Variants in LIFR observed in about 807,000 individuals in gnomAD.
LIFR encodes LIF receptor subunit alpha.
Under a neutral mutation model 122.2 loss-of-function variants are expected in LIFR, and 84 were observed. The observed-to-expected ratio is 0.69, with a 90% CI of 0.58 to 0.82. LIFR has a LOEUF of 0.82. Ranked by LOEUF, LIFR falls within the 40% of genes least tolerant of loss-of-function variation. The probability of loss-of-function intolerance (pLI) is 0.00; values close to 1 mark genes in which losing one functional copy is unlikely to be tolerated. For synonymous variants in LIFR, 422 were observed against 434.7 expected (o/e 0.97, Z 0.36); for missense variants, 1,294 against 1,311.6 (o/e 0.99, Z 0.21).
Position 38,479,823 on chromosome 5 carries a change from T to C in LIFR, c.*1772A>G, listed in dbSNP as rs1398872766. On this transcript the variant is annotated 3_prime_UTR_variant, in exon 20 of 20. Coordinates refer to ENST00000453190, the MANE Select transcript of LIFR (RefSeq NM_001127671.2). ...CTTTAGGGATGGCTCTGATTGGATA[T>C]ATTTTTCATTACTGAACATTTCTAT... is the stretch of plus-strand genomic sequence containing the variant. The C allele has an allele frequency of 4.4e-6, 1 of 229,152 alleles. No homozygotes were observed. Among genetic ancestry groups the C allele is most frequent in the Non-Finnish European group, 8.7e-6 (1 of 115,576 alleles). 14.2% of individuals were successfully genotyped at this position (229,152 alleles called of 1,614,324 possible). A position where few individuals can be genotyped will look rare whatever the true frequency, so the allele number is the denominator to read the frequency against.
upstream of LIFR, chr5:38,557,060 C>T (rs868207007): frequency 1.4e-4 from 21 of 152,312 alleles, no homozygotes; most frequent in African/African-American, 5.1e-4. Flanking sequence ...GTGTTTTCGC[C>T]GCCTCTGTAA....
chr5:38,600,059 C>T (rs1418260681), upstream of LIFR, among the ~76,000 whole-genome samples: 6 of 152,206 alleles, frequency 3.9e-5, no homozygotes, highest in African/African-American at 1.2e-4. Context: ...CCTTGGTCTC[C>T]ACAATCCCTT....
chr5:38,585,094 G>A (rs6865824), intron 1 of LIFR, among the ~76,000 whole-genome samples: 1 of 152,102 alleles, frequency 6.6e-6, no homozygotes, highest in Non-Finnish European at 1.5e-5. Context: ...TGCCATAAGT[G>A]TTTTTATTAT....
At chr5:38,602,288 T>C (rs987265599) in intron 2 of LIFR, among the ~76,000 whole-genome samples, 2 of 152,246 alleles carry the variant, frequency 1.3e-5, no homozygotes, top group Admixed American at 6.5e-5. Context: ...TCTTTCTCTA[T>C]GTAGGCTTAT....
intron 1 of LIFR, among the ~76,000 whole-genome samples, chr5:38,562,777 T>G (rs140626183): frequency 6.6e-6 from 1 of 152,334 alleles, no homozygotes; most frequent in Non-Finnish European, 1.5e-5. Context: ...CCTTCAATAT[T>G]ATGTACAAAA....
At chr5:38,578,276 G>A (rs532542056) in intron 1 of LIFR, among the ~76,000 whole-genome samples, 8 of 132,446 alleles carry the variant, frequency 6.0e-5, no homozygotes, top group East Asian at 4.5e-4. Context: ...GTGTGATCTC[G>A]GCTCACCGCA....
chr5:38,566,279 G>A (rs1749022431), intron 1 of LIFR, among the ~76,000 whole-genome samples: 1 of 152,076 alleles, frequency 6.6e-6, no homozygotes, highest in Non-Finnish European at 1.5e-5. Flanking sequence ...GAAATATATT[G>A]TTCCTTTGAT....
At position 38,479,404 on chromosome 5, in the gene LIFR, G is replaced by A. The variant is rs887441201; in HGVS notation, c.*2191C>T. 1.3e-5 allele frequency: 3 copies of A among 230,450 alleles called. No homozygotes were observed. Among genetic ancestry groups the A allele is most frequent in the Non-Finnish European group, 2.6e-5 (3 of 116,338 alleles). 14.3% of individuals were successfully genotyped at this position (230,450 alleles called of 1,614,324 possible). A position where few individuals can be genotyped will look rare whatever the true frequency, so the allele number is the denominator to read the frequency against. ...AAAACAATGAAGTCTTGGATAGAAC[G>A]AAAGGACTTAAGAGCCCCAGTGATA... is the stretch of plus-strand genomic sequence containing the variant. On this transcript the variant is annotated 3_prime_UTR_variant, in exon 20 of 20. Transcript: ENST00000453190.
At chr5:38,495,882 A>G (rs1353306955) in intron 13 of LIFR, among the ~76,000 whole-genome samples, 4 of 152,174 alleles carry the variant, frequency 2.6e-5, no homozygotes, top group African/African-American at 9.6e-5. Context: ...TATATTGAAG[A>G]TCTAATTTAT....
intron 1 of LIFR, among the ~76,000 whole-genome samples, chr5:38,547,545 C>T (rs918113577): frequency 6.6e-6 from 1 of 151,882 alleles, no homozygotes; most frequent in Non-Finnish European, 1.5e-5. Context: ...TCATAGATTC[C>T]AAGACGTATC....
chr5:38,500,121 C>T (rs1238417183), intron 11 of LIFR, among the ~76,000 whole-genome samples: 1 of 152,182 alleles, frequency 6.6e-6, no homozygotes, highest in African/African-American at 2.4e-5. Context: ...TTCCTCTCCT[C>T]TGTGGCATTT....
intron 5 of LIFR, among the ~76,000 whole-genome samples, chr5:38,517,155 T>C (rs114605589): frequency 0.031 from 4,683 of 152,126 alleles, 282 homozygotes; most frequent in African/African-American, 0.11. Flanking sequence ...TATACACCTA[T>C]GTAACAAACC....
intron 1 of LIFR, among the ~76,000 whole-genome samples, chr5:38,562,613 G>A (rs1003583507): frequency 3.9e-5 from 6 of 152,198 alleles, no homozygotes; most frequent in African/African-American, 1.4e-4. Flanking sequence ...CACTCAGTGC[G>A]TTGCCAGAGG....
intron 1 of LIFR, among the ~76,000 whole-genome samples, chr5:38,552,104 T>C (rs896449484): frequency 2.0e-5 from 3 of 152,244 alleles, no homozygotes; most frequent in Admixed American, 2.0e-4. Flanking sequence ...CTCCTTTACA[T>C]ATAATTTGCA....
intron 1 of LIFR, among the ~76,000 whole-genome samples, chr5:38,564,262 G>T: frequency 6.8e-6 from 1 of 147,216 alleles, no homozygotes. Flanking sequence ...TTAGACTACT[G>T]CCCAGGCTAG....
intron 17 of LIFR, 125 bp downstream of exon 17, chr5:38,485,694 A>G: frequency 9.1e-7 from 1 of 1,096,046 alleles, no homozygotes; most frequent in Non-Finnish European, 1.4e-6. Context: ...TCTACCAGCC[A>G]AAAACTGCAA....
chr5:38,478,429 C>G lies in LIFR; in HGVS notation c.*3166G>C, dbSNP rs1214202930. Reference sequence around the variant, plus strand: ...ACAAAGCACCTCTATCATATAAGCACATAAACACACAACTCAACTATCCAG... The same window carrying G: ...ACAAAGCACCTCTATCATATAAGCAGATAAACACACAACTCAACTATCCAG... On this transcript the variant is annotated 3_prime_UTR_variant, in exon 20 of 20. Coordinates refer to ENST00000453190, the MANE Select transcript of LIFR (RefSeq NM_001127671.2). 1 of 211,414 alleles carries G rather than the reference C, an allele frequency of 4.7e-6. No individual in the cohort carries two copies. The allele number at this position is 211,414 out of a possible 1,614,324, so 13.1% of individuals were successfully genotyped here.
At position 38,493,787 on chromosome 5, in the gene LIFR, T is replaced by C; in HGVS notation, c.1886-2A>G. The C allele has an allele frequency of 6.2e-7, 1 of 1,613,166 alleles. No homozygotes were observed. Reference sequence around the variant, plus strand: ...CAACTTGTTCTATTTTGAGATCATCTTCAATAAGAAAGGAGGATATTTTAC... The same window carrying C: ...CAACTTGTTCTATTTTGAGATCATCCTCAATAAGAAAGGAGGATATTTTAC... On this transcript the variant is annotated splice_acceptor_variant, in intron 13 of 19. Coordinates refer to ENST00000453190, the MANE Select transcript of LIFR (RefSeq NM_001127671.2). LOFTEE classifies it high-confidence loss of function.
Position 38,578,555 on chromosome 5 carries a change from C to CT in LIFR, c.-20+16705dup, listed in dbSNP as rs202014456. Reference sequence around the variant, plus strand: ...TCCAGGTAACTACTAGACACTATTTCTTTTTTTTTTAGACAGTCTCACTCT... The same window carrying CT: ...TCCAGGTAACTACTAGACACTATTTCTTTTTTTTTTTAGACAGTCTCACTCT... On this transcript the variant is annotated intron_variant, in intron 1 of 19. Coordinates refer to the LIFR transcript ENST00000263409. Among the ~76,000 whole-genome samples the CT allele has an allele frequency of 3.5e-3, 508 of 143,812 alleles. 3 individuals are homozygous for CT. Among genetic ancestry groups the CT allele is most frequent in the African/African-American group, 0.012 (471 of 39,228 alleles). 94.3% of individuals were successfully genotyped at this position (143,812 alleles called of 152,430 possible). A position where few individuals can be genotyped will look rare whatever the true frequency, so the allele number is the denominator to read the frequency against.
Sources: allele counts gnomAD v4.1 joint callset (sites outside exome capture counted in the v4.1 genomes callset), GRCh38; gene constraint gnomAD v4.1.1; transcripts MANE v1.5; gene names NCBI Gene and HGNC (gene_info 2026-07-23, HGNC 2026-07-21).